Variants in SCART1 observed in about 807,000 individuals in gnomAD.
SCART1 encodes scavenger receptor family member expressed on T cells 1.
SCART1 carries 62 observed loss-of-function variants against 36.2 expected under a neutral mutation model. That is an observed-to-expected ratio of 1.71 (90% CI 1.40 to 2.12). The LOEUF is 2.12. Ranked by LOEUF, SCART1 falls within the 30% of genes most tolerant of loss-of-function variation. The pLI is 0.00. For synonymous variants in SCART1, 487 were observed against 238.7 expected (o/e 2.04, Z -9.59); for missense variants, 1,041 against 540.5 (o/e 1.93, Z -9.18).
exon 4 of SCART1, chr10:133,458,545 G>C: frequency 1.5e-6 from 1 of 681,412 alleles, no homozygotes; most frequent in Non-Finnish European, 2.6e-6. Context: ...CTCGGGGCCG[G>C]TGTGGACGGA....
intron 1 of SCART1, among the ~76,000 whole-genome samples, chr10:133,455,698 T>C (rs565181392): frequency 4.5e-4 from 68 of 151,774 alleles, no homozygotes; most frequent in Admixed American, 4.6e-4. Flanking sequence ...GAGGGTGAGA[T>C]CCTGCCTGGA....
intron 6 of SCART1, among the ~76,000 whole-genome samples, chr10:133,462,416 A>C (rs1032709499): frequency 6.6e-6 from 1 of 152,258 alleles, no homozygotes; most frequent in African/African-American, 2.4e-5. Flanking sequence ...TATTGCTAAT[A>C]TCTTTGAGAG....
chr10:133,458,402 C>T (rs1320746781), exon 4 of SCART1: 2 of 702,222 alleles, frequency 2.8e-6, no homozygotes, highest in Admixed American at 2.0e-5. Flanking sequence ...CACCCCTGCG[C>T]CGGGCGCCTG....
chr10:133,456,684 G>C, intron 2 of SCART1, 130 bp downstream of exon 2: 1 of 588,218 alleles, frequency 1.7e-6, no homozygotes, highest in East Asian at 2.8e-5. Context: ...GGAGGCTGTG[G>C]GTCTGGAGCT....
At position 133,461,775 on chromosome 10, in the gene SCART1, G is replaced by A. The variant is rs115217883; in HGVS notation, c.1969+1605G>A. ...CTTTTTCTGGCATCTCAGTGAGAATGACAGGTCATTTTCTAGAACATTCTG... is the reference window on the plus strand; with the variant it reads ...CTTTTTCTGGCATCTCAGTGAGAATAACAGGTCATTTTCTAGAACATTCTG... On this transcript the variant is annotated intron_variant, in intron 6 of 11. Coordinates refer to ENST00000640237, the Ensembl canonical transcript of SCART1. Among the ~76,000 whole-genome samples the A allele has an allele frequency of 3.1e-3, 475 of 152,330 alleles. 3 individuals carry two copies. Among genetic ancestry groups the A allele is most frequent in the African/African-American group, 0.011 (462 of 41,562 alleles).
At chr10:133,469,662 C>T (rs1267691870), downstream of SCART1, among the ~76,000 whole-genome samples, 1 of 152,084 alleles carries the variant, frequency 6.6e-6, no homozygotes, top group Non-Finnish European at 1.5e-5. Flanking sequence ...TTGATGGGTG[C>T]AGCAAACCAC....
intron 6 of SCART1, chr10:133,464,181 T>C (rs1252400457): frequency 5.7e-6 from 1 of 174,012 alleles, no homozygotes; most frequent in African/African-American, 2.4e-5. Context: ...CTCCATTGTG[T>C]ATATGCTGTA....
rs572534937 is a variant in SCART1 at position 133,456,837 on chromosome 10, CG to C, written c.385+288del. 9.9e-5 allele frequency among the ~76,000 whole-genome samples: 15 copies of C among 152,146 alleles called. No homozygotes were observed. The East Asian group carries it at 2.9e-3, about 29-fold the overall frequency. On this transcript the variant is annotated intron_variant, in intron 2 of 11. Coordinates refer to ENST00000640237, the Ensembl canonical transcript of SCART1. ...AGGCGTGGGGGAGGCAGCAGCCGAG[CG>C]GGGGCGGGGTCTGTGGACGCCTGAG...
chr10:133,468,018 T>C, exon 12 of SCART1: 3 of 646,396 alleles, frequency 4.6e-6, no homozygotes, highest in Non-Finnish European at 8.6e-6. Flanking sequence ...TCACAGCTCT[T>C]CATTTTCTTG....
chr10:133,458,947 G>A (rs2133552492), intron 4 of SCART1, 74 bp from the exon 5 acceptor site: 3 of 628,528 alleles, frequency 4.8e-6, no homozygotes, highest in Non-Finnish European at 8.6e-6. Context: ...GGGTGTGAAG[G>A]AAGGAAATGA....
rs1342658402 is a variant in SCART1, at chr10:133,467,871, T to C, written c.2987T>C (p.Leu996Pro). ...GTTTCAGGGGAGGTGTCTAACCTCC[T>C]GGAGGGACAGTCTATACGTGCGGAG... The change falls in exon 12 of 12, where the codon CTG becomes CCG. Residue 996 changes from leucine (L) to proline (P), a missense_variant. Physicochemically the swap from Leu to Pro is moderately conservative, Grantham distance 98 (BLOSUM62 -3). Transcript: ENST00000640237. The C allele has an allele frequency of 7.2e-6, 5 of 694,106 alleles. No homozygotes were observed. In the African/African-American group the frequency reaches 8.8e-5, roughly 12 times the overall value. 43.0% of individuals were successfully genotyped at this position (694,106 alleles called of 1,614,324 possible). A position where few individuals can be genotyped will look rare whatever the true frequency, so the allele number is the denominator to read the frequency against.
intron 6 of SCART1, among the ~76,000 whole-genome samples, chr10:133,463,578 C>G (rs1273453707): frequency 7.6e-6 from 1 of 132,110 alleles, no homozygotes; most frequent in Non-Finnish European, 1.6e-5. Flanking sequence ...TGGTTTATTT[C>G]ATTTAACATA....
chr10:133,455,659 G>A (rs1232730397), intron 1 of SCART1, among the ~76,000 whole-genome samples: 1 of 152,030 alleles, frequency 6.6e-6, no homozygotes, highest in Non-Finnish European at 1.5e-5. Flanking sequence ...GAGAGAAGGT[G>A]CTGGAGTAGC....
Position 133,459,684 on chromosome 10 carries a change from C to T in SCART1, c.1483C>T (p.Gln495Ter). The change falls in exon 6 of 12, where the codon CAG becomes TAG. Residue 495 changes from glutamine (Q) to a stop codon, truncating the protein, a stop_gained. Transcript: ENST00000640237. LOFTEE classifies it high-confidence loss of function. ...ACCTGCCCCCAGCCGCGGATCCGTC[C>T]AGGTGGCGCTGAGCCGCGTGCGCTG... 1.4e-6 allele frequency: 1 copy of T among 699,730 alleles called. No homozygotes were observed. Among genetic ancestry groups the T allele is most frequent in the Non-Finnish European group, 2.6e-6 (1 of 383,198 alleles). The allele number at this position is 699,730 out of a possible 1,614,324, so 43.3% of individuals were successfully genotyped here.
exon 5 of SCART1, chr10:133,459,316 G>C (rs578067432): frequency 3.1e-6 from 2 of 642,690 alleles, no homozygotes; most frequent in Non-Finnish European, 2.8e-6. Context: ...CAGCCTCCGC[G>C]GTCTGCTCAG....
At chr10:133,465,288 C>T (rs754417976) in exon 9 of SCART1, 18 of 684,382 alleles carry the variant, frequency 2.6e-5, no homozygotes, top group Non-Finnish European at 2.7e-6. Context: ...GCGAGGACCG[C>T]TGCTCCGGGC....
chr10:133,458,637 C>T (rs555382724), exon 4 of SCART1: 585 of 699,942 alleles, frequency 8.4e-4, no homozygotes, highest in Non-Finnish European at 1.3e-3. Context: ...ATGGTCACGA[C>T]GCGGGGCTCA....
At chr10:133,455,656 GGT>G (rs1242407741) in intron 1 of SCART1, among the ~76,000 whole-genome samples, 1 of 152,086 alleles carries the variant, frequency 6.6e-6, no homozygotes, top group Non-Finnish European at 1.5e-5. Flanking sequence ...TGGGAGAGAA[GGT>G]GCTGGAGTAG....
chr10:133,467,790 G>C, intron 11 of SCART1, 57 bp from the exon 12 acceptor site: 2 of 611,340 alleles, frequency 3.3e-6, no homozygotes, highest in Non-Finnish European at 6.0e-6. Context: ...TGCCAAATGT[G>C]CTCTGGGGAC....
Sources: gnomAD v4.1 joint callset for allele counts (sites outside exome capture counted in the v4.1 genomes callset) on GRCh38, gnomAD v4.1.1 for gene constraint, MANE v1.5 for transcripts, NCBI Gene and HGNC (gene_info 2026-07-23, HGNC 2026-07-21) for gene names.